Variants in CEP85L observed in about 807,000 individuals in gnomAD.
CEP85L encodes the protein centrosomal protein of 85 kDa-like.
Under a neutral mutation model 100.3 loss-of-function variants are expected in CEP85L, and 60 were observed. The ratio of observed to expected loss-of-function variants is 0.60; its 90% confidence interval spans 0.49 to 0.74. CEP85L has a LOEUF of 0.74. Among genes scored for constraint, CEP85L ranks in the 30% least tolerant of loss-of-function variants. The pLI is 0.00. For missense variants in CEP85L, 973 were observed against 936.2 expected (o/e 1.04, Z -0.51); for synonymous variants, 319 against 322.7 (o/e 0.99, Z 0.12).
intron 5 of CEP85L, chr6:118,502,653 C>A: frequency 2.1e-6 from 1 of 467,234 alleles, no homozygotes; most frequent in South Asian, 2.2e-5. Flanking sequence ...ACAAATTGCT[C>A]AGGGAGCTCC....
At chr6:118,578,835 A>C (rs1457904936) in intron 2 of CEP85L, among the ~76,000 whole-genome samples, 3 of 152,026 alleles carry the variant, frequency 2.0e-5, no homozygotes, top group Non-Finnish European at 4.4e-5. Context: ...TGCTGAGAAA[A>C]CTTTTTGCCT....
intron 5 of CEP85L, among the ~76,000 whole-genome samples, chr6:118,504,793 C>G (rs979788259): frequency 1.3e-5 from 2 of 152,120 alleles, no homozygotes; most frequent in African/African-American, 4.8e-5. Context: ...GCTATCTCTA[C>G]ACATACAGTG....
chr6:118,532,366 G>A (rs1034811884), intron 3 of CEP85L, among the ~76,000 whole-genome samples: 21 of 152,058 alleles, frequency 1.4e-4, no homozygotes, highest in African/African-American at 4.3e-4. Context: ...TGAGGGGGGC[G>A]GGTGGAAGGA....
intron 1 of CEP85L, among the ~76,000 whole-genome samples, chr6:118,658,500 T>C (rs1203222002): frequency 6.6e-6 from 1 of 152,166 alleles, no homozygotes; most frequent in Non-Finnish European, 1.5e-5. Flanking sequence ...TAATCTCTCA[T>C]GTATGGGTCA....
intron 1 of CEP85L, among the ~76,000 whole-genome samples, chr6:118,634,994 A>C (rs1046177035): frequency 6.6e-6 from 1 of 152,228 alleles, no homozygotes; most frequent in Non-Finnish European, 1.5e-5. Flanking sequence ...TATCAAGTTG[A>C]TAAAAGAAAG....
intron 1 of CEP85L, among the ~76,000 whole-genome samples, chr6:118,699,965 G>C (rs764758526): frequency 7.9e-5 from 12 of 152,186 alleles, no homozygotes; most frequent in Non-Finnish European, 1.3e-4. Flanking sequence ...AAAGTGCTGG[G>C]ATTACAGGCG....
At chr6:118,642,149 A>AAT (rs1774923078) in intron 1 of CEP85L, among the ~76,000 whole-genome samples, 1 of 152,242 alleles carries the variant, frequency 6.6e-6, no homozygotes, top group Non-Finnish European at 1.5e-5. Flanking sequence ...GATAAAGTAT[A>AAT]ATAAATATTG....
chr6:118,658,074 G>C (rs1775858270), intron 1 of CEP85L, among the ~76,000 whole-genome samples: 1 of 152,126 alleles, frequency 6.6e-6, no homozygotes, highest in East Asian at 1.9e-4. Flanking sequence ...ACAATCCCTA[G>C]AGGAATCTGA....
Position 118,651,318 on chromosome 6 carries a change from C to T in CEP85L, c.-49G>A. The T allele has an allele frequency of 7.1e-7, 1 of 1,410,086 alleles. No homozygotes were observed. The highest frequency in any genetic ancestry group is 9.2e-7 in the Non-Finnish European group (1 of 1,082,642). The allele number at this position is 1,410,086 out of a possible 1,614,324, so 87.3% of individuals were successfully genotyped here. Reference sequence around the variant, plus strand: ...CCAGGGACGCCCGACTCCTCACGTCCGTCCTCCTGCTTCTTCGGCGGCGGA... The same window carrying T: ...CCAGGGACGCCCGACTCCTCACGTCTGTCCTCCTGCTTCTTCGGCGGCGGA... On this transcript the variant is annotated 5_prime_UTR_variant, in exon 1 of 13. Coordinates refer to ENST00000368491, the MANE Select transcript of CEP85L (RefSeq NM_001042475.3).
At position 118,526,873 on chromosome 6, in the gene CEP85L, T is replaced by C. The variant is rs538998114; in HGVS notation, c.1021-2953A>G. On this transcript the variant is annotated intron_variant, in intron 3 of 12. Coordinates refer to ENST00000368491, the MANE Select transcript of CEP85L (RefSeq NM_001042475.3). Reference sequence around the variant, plus strand: ...TTCTGGGAATTCCTTGCCACTTTCCTGGAAAATTCATGAATAATCCACCTC... The same window carrying C: ...TTCTGGGAATTCCTTGCCACTTTCCCGGAAAATTCATGAATAATCCACCTC... 3.9e-5 allele frequency among the ~76,000 whole-genome samples: 6 copies of C among 152,296 alleles called. No individual in the cohort carries two copies. The East Asian group carries it at 1.2e-3, about 29-fold the overall frequency.
chr6:118,549,241 A>G (rs1197899950), intron 3 of CEP85L, among the ~76,000 whole-genome samples: 1 of 151,918 alleles, frequency 6.6e-6, no homozygotes, highest in East Asian at 1.9e-4. Flanking sequence ...TTGTCAAGTT[A>G]TTATCCTCCA....
At chr6:118,612,723 C>T (rs1459807014) in intron 2 of CEP85L, among the ~76,000 whole-genome samples, 1 of 130,106 alleles carries the variant, frequency 7.7e-6, no homozygotes, top group African/African-American at 3.0e-5. Flanking sequence ...AATCTGCTAA[C>T]AAGAACCTAG....
chr6:118,576,184 C>G (rs969109654), intron 2 of CEP85L, among the ~76,000 whole-genome samples: 3 of 152,204 alleles, frequency 2.0e-5, no homozygotes, highest in Non-Finnish European at 4.4e-5. Context: ...CTTCCTATTG[C>G]CTTACCAAGA....
chr6:118,539,513 C>G (rs1294891465), intron 3 of CEP85L, among the ~76,000 whole-genome samples: 1 of 152,094 alleles, frequency 6.6e-6, no homozygotes, highest in East Asian at 1.9e-4. Flanking sequence ...GTTAAGGGAC[C>G]AAAGCACTGC....
At chr6:118,488,154 A>C (rs1774315172) in intron 6 of CEP85L, among the ~76,000 whole-genome samples, 1 of 152,126 alleles carries the variant, frequency 6.6e-6, no homozygotes. Flanking sequence ...TATCAACTTA[A>C]AGAGGGAGGA....
At position 118,470,607 on chromosome 6, in the gene CEP85L, G is replaced by A; in HGVS notation, c.1952C>T (p.Thr651Ile). Residue 651 changes from threonine to isoleucine, a missense_variant, in exon 11 of 13, where the codon ACT becomes ATT. Thr to Ile is a moderately conservative substitution (Grantham distance 89). This residue lies in a region of CEP85L where 890 missense variants were observed against 844.5 expected (regional missense o/e 1.05). Coordinates refer to ENST00000368491, the MANE Select transcript of CEP85L (RefSeq NM_001042475.3). Reference protein sequence around the residue: ...QGKLSKEKLTTQKMMEELEKK... With the variant: ...QGKLSKEKLTIQKMMEELEKK... Reference sequence around the variant, plus strand: ...TTCCAGCTCTTCCATCATCTTTTGAGTGGTCAGTTTCTCTTTAGAAAGCTT... The same window carrying A: ...TTCCAGCTCTTCCATCATCTTTTGAATGGTCAGTTTCTCTTTAGAAAGCTT... The A allele has an allele frequency of 6.2e-7, 1 of 1,604,784 alleles. No individual in the cohort carries two copies. The highest frequency in any genetic ancestry group is 2.3e-5 in the East Asian group (1 of 44,092).
Position 118,530,980 on chromosome 6 carries a change from C to T in CEP85L, c.1021-7060G>A, listed in dbSNP as rs77584463. 4.5e-3 allele frequency among the ~76,000 whole-genome samples: 691 copies of T among 152,212 alleles called. 3 individuals carry two copies. The highest frequency in any genetic ancestry group is 6.4e-3 in the Non-Finnish European group (436 of 68,016). On this transcript the variant is annotated intron_variant, in intron 3 of 12. Transcript: ENST00000368491. ...GTTATTCCTATCAAACTACCAATGA[C>T]ATTCCTTACAGAAGTAGAAAAAACT...
Position 118,600,359 on chromosome 6 carries a change from GT to G in CEP85L, c.232+32093del, listed in dbSNP as rs1562298052. On this transcript the variant is annotated intron_variant, in intron 2 of 12. Coordinates refer to ENST00000368491, the MANE Select transcript of CEP85L (RefSeq NM_001042475.3). ...TGTGTGTGTGTGTGTGTGTGTGTGT[GT>G]GTGTGTGTGTAACGCCATGGAGCAA... 5.0e-4 allele frequency among the ~76,000 whole-genome samples: 70 copies of G among 139,176 alleles called. 6 individuals are homozygous for G. Among genetic ancestry groups the G allele is most frequent in the Middle Eastern group, 3.8e-3 (1 of 266 alleles). 91.3% of individuals were successfully genotyped at this position (139,176 alleles called of 152,430 possible). A position where few individuals can be genotyped will look rare whatever the true frequency, so the allele number is the denominator to read the frequency against.
intron 3 of CEP85L, among the ~76,000 whole-genome samples, chr6:118,561,332 CTGTT>C (rs960119467): frequency 1.3e-5 from 2 of 152,238 alleles, no homozygotes; most frequent in African/African-American, 2.4e-5. Context: ...TTTGATTACA[CTGTT>C]TGTTACAATA....
Sources: allele counts gnomAD v4.1 joint callset (sites outside exome capture counted in the v4.1 genomes callset), GRCh38; gene constraint gnomAD v4.1.1; regional missense constraint gnomAD v4.1.1; transcripts MANE v1.5; gene names NCBI Gene and HGNC (gene_info 2026-07-23, HGNC 2026-07-21).